CFAP221: variants seen among roughly 807,000 people sequenced by gnomAD.
CFAP221 encodes the protein cilia and flagella associated protein 221.
A neutral mutation model predicts 113.1 loss-of-function variants in CFAP221; 97 were observed. The observed-to-expected ratio is 0.86, with a 90% CI of 0.73 to 1.02. The LOEUF (loss-of-function observed/expected upper bound fraction) is 1.02. Ranked by LOEUF, CFAP221 falls within the 50% of genes least tolerant of loss-of-function variation. The pLI is 0.00. For missense variants in CFAP221, 1,025 were observed against 1,013.4 expected (o/e 1.01, Z -0.16); for synonymous variants, 331 against 354.4 (o/e 0.93, Z 0.74).
At chr2:119,656,028 A>G (rs1448582703) in intron 23 of CFAP221, 2 of 289,124 alleles carry the variant, frequency 6.9e-6, no homozygotes, top group Non-Finnish European at 1.3e-5. Context: ...ACCTCACACC[A>G]GGATCTCTGT....
intron 11 of CFAP221, among the ~76,000 whole-genome samples, chr2:119,606,792 T>C (rs2104683827): frequency 6.6e-6 from 1 of 152,316 alleles, no homozygotes; most frequent in African/African-American, 2.4e-5. Context: ...GTTCCTTTAA[T>C]ATTTTTCCCA....
At chr2:119,568,618 G>C (rs1211608996) in intron 6 of CFAP221, among the ~76,000 whole-genome samples, 1 of 152,074 alleles carries the variant, frequency 6.6e-6, no homozygotes, top group African/African-American at 2.4e-5. Flanking sequence ...GTGTTAGTTG[G>C]CTGAGGATAA....
intron 4 of CFAP221, 62 bp from the exon 5 acceptor site, chr2:119,559,866 C>A (rs1269806216): frequency 1.2e-5 from 18 of 1,486,018 alleles, no homozygotes; most frequent in Non-Finnish European, 1.6e-5. Flanking sequence ...GTGTTGTCAC[C>A]CCCGGTGCTG....
chr2:119,654,408 T>TC (rs1465645998), intron 23 of CFAP221, among the ~76,000 whole-genome samples: 1 of 143,818 alleles, frequency 7.0e-6, no homozygotes, highest in African/African-American at 2.5e-5. Context: ...TGAAAACCTT[T>TC]TTTTTTTTCT....
At chr2:119,630,984 G>T in intron 19 of CFAP221, 83 bp downstream of exon 19, 3 of 1,503,058 alleles carry the variant, frequency 2.0e-6, no homozygotes, top group Non-Finnish European at 2.7e-6. Context: ...CACTCATTGG[G>T]AATATTTTTT....
At chr2:119,634,847 G>T (rs1256259477) in intron 19 of CFAP221, among the ~76,000 whole-genome samples, 3 of 152,128 alleles carry the variant, frequency 2.0e-5, no homozygotes, top group Non-Finnish European at 4.4e-5. Context: ...TAGGCAATAG[G>T]CATAAAGTTG....
chr2:119,579,294 G>T lies in CFAP221; in HGVS notation c.528-7825G>T, dbSNP rs186323518. Among the ~76,000 whole-genome samples the T allele has an allele frequency of 2.1e-3, 311 of 151,066 alleles. 1 individual carries two copies. Among genetic ancestry groups the T allele is most frequent in the African/African-American group, 6.7e-3 (275 of 41,210 alleles). ...CACTTCTCAGAAATAACAGGCACGA[G>T]ATATATATATATACATATATATATG... On this transcript the variant is annotated intron_variant, in intron 6 of 23. Coordinates refer to ENST00000413369, the MANE Select transcript of CFAP221 (RefSeq NM_001271049.2).
chr2:119,637,961 G>A (rs1687216890), intron 19 of CFAP221, among the ~76,000 whole-genome samples: 1 of 152,170 alleles, frequency 6.6e-6, no homozygotes, highest in Admixed American at 6.5e-5. Flanking sequence ...AATACTCAAA[G>A]CTGTTTTAAG....
intron 7 of CFAP221, among the ~76,000 whole-genome samples, chr2:119,600,010 T>TG (rs1441875094): frequency 1.3e-5 from 2 of 151,982 alleles, no homozygotes; most frequent in African/African-American, 4.8e-5. Flanking sequence ...AGGGCATGTT[T>TG]GGGGGGACTG....
intron 6 of CFAP221, chr2:119,586,549 C>G (rs1007558241): frequency 6.6e-6 from 1 of 152,298 alleles, no homozygotes; most frequent in Non-Finnish European, 1.5e-5. Context: ...TGCTGGACTT[C>G]TGACCAAATA....
chr2:119,558,918 G>C (rs984988483), intron 3 of CFAP221, among the ~76,000 whole-genome samples: 1 of 152,176 alleles, frequency 6.6e-6, no homozygotes, highest in African/African-American at 2.4e-5. Context: ...CTAATTTAGG[G>C]CATTGAAGAA....
At chr2:119,587,293 C>A in intron 7 of CFAP221, 71 bp downstream of exon 7, 1 of 1,121,448 alleles carries the variant, frequency 8.9e-7, no homozygotes, top group South Asian at 1.7e-5. Context: ...TTTTCAAACA[C>A]ATATCAGTGA....
intron 3 of CFAP221, 43 bp from the exon 4 acceptor site, chr2:119,559,646 T>C (rs1187960904): frequency 2.1e-6 from 3 of 1,437,726 alleles, no homozygotes; most frequent in South Asian, 1.2e-5. Flanking sequence ...AGTATGCAAA[T>C]AAAGCCGTGT....
At chr2:119,632,635 C>T (rs1238788186) in intron 19 of CFAP221, among the ~76,000 whole-genome samples, 1 of 103,288 alleles carries the variant, frequency 9.7e-6, no homozygotes, top group Non-Finnish European at 2.0e-5. Context: ...GCCAAGGTAA[C>T]AAGACAAGAA....
downstream of CFAP221, among the ~76,000 whole-genome samples, chr2:119,658,442 C>G (rs1231907578): frequency 2.0e-5 from 3 of 152,086 alleles, no homozygotes; most frequent in Non-Finnish European, 2.9e-5. Flanking sequence ...CACGTCAGCC[C>G]TGGAATCAAC....
intron 5 of CFAP221, among the ~76,000 whole-genome samples, chr2:119,561,014 C>T (rs969741705): frequency 3.9e-5 from 6 of 151,904 alleles, no homozygotes; most frequent in Admixed American, 6.6e-5. Context: ...AATGGCCAGG[C>T]GCGATGGCTC....
intron 14 of CFAP221, among the ~76,000 whole-genome samples, chr2:119,616,750 G>A (rs891038661): frequency 7.9e-5 from 12 of 152,172 alleles, no homozygotes; most frequent in African/African-American, 2.9e-4. Flanking sequence ...TGCCTCCCCA[G>A]CTCTGCTCCA....
At chr2:119,594,313 G>T (rs1683802859) in intron 7 of CFAP221, among the ~76,000 whole-genome samples, 4 of 151,644 alleles carry the variant, frequency 2.6e-5, no homozygotes, top group Admixed American at 6.6e-5. Context: ...TTGGCTCACT[G>T]CAACCTCTGC....
intron 21 of CFAP221, among the ~76,000 whole-genome samples, chr2:119,642,472 C>T (rs906800429): frequency 7.4e-4 from 111 of 149,782 alleles, no homozygotes; most frequent in Non-Finnish European, 2.5e-4. Context: ...TTCCTGGTTC[C>T]TACATGGTTG....
Sources: allele counts gnomAD v4.1 joint callset (sites outside exome capture counted in the v4.1 genomes callset), GRCh38; gene constraint gnomAD v4.1.1; transcripts MANE v1.5; gene names NCBI Gene and HGNC (gene_info 2026-07-23, HGNC 2026-07-21).